Variants in NT5DC3 observed in about 807,000 individuals in gnomAD.
NT5DC3 encodes 5'-nucleotidase domain containing 3, also known as 5'-nucleotidase domain-containing protein 3.
A neutral mutation model predicts 67.8 loss-of-function variants in NT5DC3; 42 were observed. That is an observed-to-expected ratio of 0.62 (90% CI 0.48 to 0.80). The LOEUF (loss-of-function observed/expected upper bound fraction) is 0.80. Among genes scored for constraint, NT5DC3 ranks in the 30% least tolerant of loss-of-function variants. NT5DC3 has a pLI of 0.00. For synonymous variants in NT5DC3, 237 were observed against 255.6 expected, an observed-to-expected ratio of 0.93 and a Z score of 0.69; for missense variants, 570 against 696.4, an observed-to-expected ratio of 0.82 and a Z score of 2.04.
intron 2 of NT5DC3, among the ~76,000 whole-genome samples, chr12:103,812,240 T>G (rs1887064141): frequency 6.6e-6 from 1 of 152,224 alleles, no homozygotes; most frequent in Admixed American, 6.5e-5. Context: ...AAAAGCGATG[T>G]CTTTCCATTT....
At chr12:103,758,185 T>G in the NT5DC3 span, 1 of 1,614,050 alleles carries the variant, frequency 6.2e-7, no homozygotes, top group Non-Finnish European at 8.5e-7. Flanking sequence ...GCTGGCCTAT[T>G]CCAACAGCTC....
At chr12:103,763,802 G>C in the NT5DC3 span, 26 of 519,992 alleles carry the variant, frequency 5.0e-5, no homozygotes, top group Non-Finnish European at 8.2e-5. Context: ...GGGTTCTCTT[G>C]GGTAGACAGC....
chr12:103,763,591 T>C, the NT5DC3 span: 1 of 1,613,964 alleles, frequency 6.2e-7, no homozygotes, highest in South Asian at 1.1e-5. Flanking sequence ...CCCAGAACCT[T>C]CCTACGACCC....
rs1179001688 is a variant in NT5DC3 at position 103,818,413 on chromosome 12, T to C, written c.209-3292A>G. On this transcript the variant is annotated intron_variant, in intron 1 of 13. Coordinates refer to ENST00000392876, the MANE Select transcript of NT5DC3 (RefSeq NM_001031701.3). ...TTTTTTTTAATGAAGTCTCGCTCTGTCACCCAGGCCAGAGTGCAGTGGTAC... is the reference window on the plus strand; with the variant it reads ...TTTTTTTTAATGAAGTCTCGCTCTGCCACCCAGGCCAGAGTGCAGTGGTAC... Among the ~76,000 whole-genome samples, 3 of 151,572 alleles carry C rather than the reference T, an allele frequency of 2.0e-5. No individual in the cohort carries two copies. In the East Asian group the frequency reaches 5.8e-4, roughly 29 times the overall value.
chr12:103,781,553 C>T (rs1438275058), intron 12 of NT5DC3, among the ~76,000 whole-genome samples: 1 of 152,198 alleles, frequency 6.6e-6, no homozygotes, highest in Non-Finnish European at 1.5e-5. Context: ...CTCATAGGAA[C>T]AGCCCTCTCG....
chr12:103,758,718 A>G, the NT5DC3 span, among the ~76,000 whole-genome samples: 1 of 152,226 alleles, frequency 6.6e-6, no homozygotes, highest in South Asian at 2.1e-4. Context: ...GTGGGGAAGA[A>G]CCAGGGCCAC....
At position 103,806,375 on chromosome 12, in the gene NT5DC3, T is replaced by C; in HGVS notation, c.471A>G (p.Ala157=). ...GAAAAGCATCGATCTTCATTAATACTGCCTTTAAAAACATAAACATATGCA... is the reference window on the plus strand; with the variant it reads ...GAAAAGCATCGATCTTCATTAATACCGCCTTTAAAAACATAAACATATGCA... ...IRGLHYDVQR[A]VLMKIDAFHY... is the part of the protein sequence containing the mutation. Residue 157 remains alanine (A), a splice_region_variant and synonymous_variant, in exon 4 of 14, where the codon GCA becomes GCG. Coordinates refer to ENST00000392876, the MANE Select transcript of NT5DC3 (RefSeq NM_001031701.3). The C allele has an allele frequency of 6.3e-7, 1 of 1,599,196 alleles. No homozygotes were observed. The highest frequency in any genetic ancestry group is 8.6e-7 in the Non-Finnish European group (1 of 1,166,458).
the NT5DC3 span, chr12:103,753,464 A>C: frequency 1.4e-6 from 2 of 1,449,074 alleles, no homozygotes; most frequent in Non-Finnish European, 9.5e-7. Context: ...AAGGGAGTGC[A>C]GGTAGCTCCT....
chr12:103,761,784 T>TG, the NT5DC3 span, among the ~76,000 whole-genome samples: 1 of 152,154 alleles, frequency 6.6e-6, no homozygotes, highest in Non-Finnish European at 1.5e-5. Context: ...GCCTCCCTCC[T>TG]GGGTTTTGGG....
chr12:103,794,145 C>CTT (rs1886194592), intron 6 of NT5DC3, 148 bp from the exon 7 acceptor site: 52 of 399,002 alleles, frequency 1.3e-4, no homozygotes, highest in South Asian at 8.2e-4. Context: ...GGTCCATTTT[C>CTT]TTCTTCTTTT....
the NT5DC3 span, among the ~76,000 whole-genome samples, chr12:103,764,708 C>A: frequency 6.6e-6 from 1 of 152,222 alleles, no homozygotes; most frequent in African/African-American, 2.4e-5. Flanking sequence ...CCTGTGGTAA[C>A]AGATTTAATA....
At chr12:103,758,010 C>T in the NT5DC3 span, 2 of 1,053,516 alleles carry the variant, frequency 1.9e-6, no homozygotes, top group Non-Finnish European at 2.7e-6. Flanking sequence ...TCCTCAAACT[C>T]TCCCACGGCG....
chr12:103,815,238 T>C (rs1279536912), intron 1 of NT5DC3, 117 bp from the exon 2 acceptor site: 1 of 652,888 alleles, frequency 1.5e-6, no homozygotes, highest in African/African-American at 1.8e-5. Flanking sequence ...ACCTTGAAAA[T>C]ATGCTGGTGA....
At chr12:103,786,178 C>T (rs898574244) in intron 11 of NT5DC3, among the ~76,000 whole-genome samples, 5 of 151,914 alleles carry the variant, frequency 3.3e-5, no homozygotes, top group African/African-American at 1.2e-4. Flanking sequence ...AAGTAAAATA[C>T]ACAATGGCAG....
intron 4 of NT5DC3, among the ~76,000 whole-genome samples, chr12:103,804,881 GT>G (rs756226645): frequency 6.6e-5 from 10 of 152,076 alleles, no homozygotes; most frequent in Non-Finnish European, 1.2e-4. Context: ...GTGAAACCCT[GT>G]CTCTTTTAAA....
At position 103,785,398 on chromosome 12, in the gene NT5DC3, C is replaced by T. The variant is rs61752308; in HGVS notation, c.1266G>A (p.Thr422=). The T allele has an allele frequency of 1.1e-5, 18 of 1,613,984 alleles. No individual in the cohort carries two copies. The highest frequency in any genetic ancestry group is 1.6e-4 in the Middle Eastern group (1 of 6,062). Residue 422 remains threonine (T), a synonymous_variant, in exon 12 of 14, where the codon ACG becomes ACA. Transcript: ENST00000392876. ...AGGTCATGGTTTGAATGTATTGCTC[C>T]GTGTTCATGATTTTGAGCTCAGATC... ...ELRSELKIMN[T]EQYIQTMTWL...
Position 103,798,580 on chromosome 12 carries a change from T to C in NT5DC3, c.615+7A>G. ...CTGCTTTAAATGAATAAAGTGCTTC[T>C]CATTACCTTTCCGTAAAAGTCACTC... On this transcript the variant is annotated splice_region_variant and intron_variant, in intron 5 of 13. Coordinates refer to ENST00000392876, the MANE Select transcript of NT5DC3 (RefSeq NM_001031701.3). 1 of 1,601,704 alleles carries C rather than the reference T, an allele frequency of 6.2e-7. No homozygotes were observed. Among genetic ancestry groups the C allele is most frequent in the Non-Finnish European group, 8.6e-7 (1 of 1,168,796 alleles).
chr12:103,765,920 T>C, downstream of NT5DC3: 1 of 358,602 alleles, frequency 2.8e-6, no homozygotes, highest in Non-Finnish European at 5.5e-6. Context: ...CCGAAAGGAG[T>C]TTTTATAATA....
At chr12:103,789,059 A>C in intron 9 of NT5DC3, 140 bp from the exon 10 acceptor site, 1 of 644,752 alleles carries the variant, frequency 1.6e-6, no homozygotes, top group South Asian at 1.8e-5. Flanking sequence ...CCACCATCAT[A>C]TTCCCTGGCC....
Sources: allele counts gnomAD v4.1 joint callset (sites outside exome capture counted in the v4.1 genomes callset), GRCh38; gene constraint gnomAD v4.1.1; transcripts MANE v1.5; gene names NCBI Gene and HGNC (gene_info 2026-07-23, HGNC 2026-07-21).